TRIO: variants seen among roughly 807,000 people sequenced by gnomAD.
TRIO encodes the protein trio Rho guanine nucleotide exchange factor.
In TRIO, 58 loss-of-function variants were observed where a neutral mutation model predicts 351.9. That is an observed-to-expected ratio of 0.16 (90% CI 0.13 to 0.21). The LOEUF (loss-of-function observed/expected upper bound fraction) is 0.21, where lower values mean the gene tolerates loss of function less well. Ranked by LOEUF, TRIO falls within the 10% of genes least tolerant of loss-of-function variation. The pLI, the probability that TRIO is intolerant of heterozygous loss-of-function variation, is 1.00. For missense variants in TRIO, 3,201 were observed against 4,027.8 expected, an observed-to-expected ratio of 0.79 and a Z score of 5.56; for synonymous variants, 1,758 against 1,595.7, an observed-to-expected ratio of 1.10 and a Z score of -2.42.
intron 1 of TRIO, among the ~76,000 whole-genome samples, chr5:14,158,418 C>T (rs1452922645): frequency 6.7e-6 from 1 of 148,372 alleles, no homozygotes; most frequent in South Asian, 2.2e-4. Flanking sequence ...AGTGAGACTC[C>T]GCCTCAAAAA....
intron 1 of TRIO, among the ~76,000 whole-genome samples, chr5:14,216,216 G>T (rs1172239243): frequency 9.9e-5 from 15 of 152,180 alleles, no homozygotes; most frequent in Admixed American, 9.8e-4. Context: ...AGAGTTCTTT[G>T]AGTCTGCCCA....
At chr5:14,487,056 G>A (rs1249336057) in intron 47 of TRIO, among the ~76,000 whole-genome samples, 1 of 152,096 alleles carries the variant, frequency 6.6e-6, no homozygotes, top group Non-Finnish European at 1.5e-5. Flanking sequence ...TTCCCTCAGG[G>A]CTGTGTTCAG....
chr5:14,273,361 G>T lies in TRIO; in HGVS notation c.232+2462G>T, dbSNP rs368572856. 4.9e-4 allele frequency among the ~76,000 whole-genome samples: 74 copies of T among 152,300 alleles called. 1 individual carries two copies. In the South Asian group the frequency reaches 0.015, roughly 31 times the overall value. On this transcript the variant is annotated intron_variant, in intron 2 of 56. Coordinates refer to ENST00000344204, the MANE Select transcript of TRIO (RefSeq NM_007118.4). The stretch of plus-strand genomic sequence containing the variant: ...GAATATTTCCGATCCTTAGCGCCTA[G>T]GTCTTCTAAAAAGTAATGCTGATTG...
chr5:14,194,375 G>A (rs918758006), intron 1 of TRIO, among the ~76,000 whole-genome samples: 1 of 152,166 alleles, frequency 6.6e-6, no homozygotes, highest in Non-Finnish European at 1.5e-5. Flanking sequence ...GTGATCTCTT[G>A]TTGGCAGTAT....
chr5:14,493,753 G>A (rs988366005), intron 49 of TRIO, among the ~76,000 whole-genome samples: 6 of 152,210 alleles, frequency 3.9e-5, no homozygotes, highest in Non-Finnish European at 7.3e-5. Flanking sequence ...GATATAGGCC[G>A]AAAGCTAAGC....
intron 1 of TRIO, among the ~76,000 whole-genome samples, chr5:14,253,450 G>A (rs1794856544): frequency 6.6e-6 from 1 of 152,148 alleles, no homozygotes; most frequent in Non-Finnish European, 1.5e-5. Flanking sequence ...CTGCCTCCTG[G>A]GCTCAAGTGA....
chr5:14,498,733 T>C (rs1579839275), intron 53 of TRIO, 93 bp downstream of exon 53: 2 of 1,550,712 alleles, frequency 1.3e-6, no homozygotes, highest in Non-Finnish European at 8.8e-7. Flanking sequence ...ACACTCCAAG[T>C]GGCCTGAAAG....
In TRIO at chr5:14,187,185, GT is replaced by G. The variant is rs544042207; in HGVS notation, c.157+43305del. On this transcript the variant is annotated intron_variant, in intron 1 of 56. Transcript: ENST00000344204. ...CTAATTATAGTGTCAACTGCAAAAA[GT>G]TGATAAGTACTAAAATGTATTATAC... Among the ~76,000 whole-genome samples the G allele has an allele frequency of 7.9e-5, 12 of 152,264 alleles. No homozygotes were observed. In the South Asian group the frequency reaches 2.5e-3, roughly 32 times the overall value.
intron 1 of TRIO, among the ~76,000 whole-genome samples, chr5:14,156,581 C>T (rs187755438): frequency 1.1e-3 from 162 of 152,258 alleles, no homozygotes; most frequent in Middle Eastern, 6.8e-3. Context: ...TTTCCTCTTC[C>T]GTATTTGTAA....
chr5:14,150,804 T>C (rs1787783435), intron 1 of TRIO, among the ~76,000 whole-genome samples: 1 of 152,206 alleles, frequency 6.6e-6, no homozygotes, highest in Non-Finnish European at 1.5e-5. Context: ...CATACTTTGC[T>C]ATGTAGGACC....
At chr5:14,322,983 A>C (rs1247928477) in intron 9 of TRIO, among the ~76,000 whole-genome samples, 1 of 152,166 alleles carries the variant, frequency 6.6e-6, no homozygotes, top group Non-Finnish European at 1.5e-5. Context: ...TAGTGAGCAC[A>C]GAGGAGGTGG....
intron 9 of TRIO, among the ~76,000 whole-genome samples, chr5:14,321,383 C>A (rs1739866544): frequency 6.6e-6 from 1 of 152,242 alleles, no homozygotes; most frequent in Non-Finnish European, 1.5e-5. Flanking sequence ...TTTTGGGCCC[C>A]TGTTGAAGGA....
chr5:14,229,724 C>G (rs914159517), intron 1 of TRIO, among the ~76,000 whole-genome samples: 4 of 152,060 alleles, frequency 2.6e-5, no homozygotes, highest in African/African-American at 9.7e-5. Flanking sequence ...ATTGTAGTGT[C>G]CTGAAGTGTG....
At chr5:14,252,390 G>A (rs554896266) in intron 1 of TRIO, among the ~76,000 whole-genome samples, 68 of 152,272 alleles carry the variant, frequency 4.5e-4, no homozygotes, top group African/African-American at 1.4e-3. Flanking sequence ...GCTCAACCAC[G>A]TTTACTGTTA....
intron 11 of TRIO, among the ~76,000 whole-genome samples, chr5:14,350,411 A>T (rs148805369): frequency 2.0e-3 from 310 of 152,140 alleles, no homozygotes; most frequent in African/African-American, 7.2e-3. Flanking sequence ...GAAAGAAAAT[A>T]AAAAAAACCC....
intron 33 of TRIO, among the ~76,000 whole-genome samples, chr5:14,409,470 A>G (rs755288879): frequency 6.6e-6 from 1 of 151,820 alleles, no homozygotes; most frequent in East Asian, 1.9e-4. Context: ...ATCTGTGAAG[A>G]TGATTCACCA....
chr5:14,488,575 C>T (rs1015245527), intron 48 of TRIO: 3 of 507,480 alleles, frequency 5.9e-6, no homozygotes, highest in Non-Finnish European at 1.0e-5. Context: ...GCCTTCCTCA[C>T]GCACCTATTT....
chr5:14,166,106 GTC>G (rs1788748561), intron 1 of TRIO, among the ~76,000 whole-genome samples: 1 of 152,220 alleles, frequency 6.6e-6, no homozygotes, highest in African/African-American at 2.4e-5. Context: ...TTAGAGATGA[GTC>G]TGATTTGTGG....
rs920827302 is a variant in TRIO at position 14,374,163 on chromosome 5, T to C, written c.3217-66T>C. ...AAAGACATACGTTAGAGTGCAGTGATGTGTACTCCAAATACACGTTTGTAG... is the reference window on the plus strand; with the variant it reads ...AAAGACATACGTTAGAGTGCAGTGACGTGTACTCCAAATACACGTTTGTAG... On this transcript the variant is annotated intron_variant, in intron 18 of 56. Transcript: ENST00000344204. The C allele has an allele frequency of 3.0e-5, 35 of 1,181,800 alleles. No individual in the cohort carries two copies. In the South Asian group the frequency reaches 4.4e-4, roughly 15 times the overall value. The allele number at this position is 1,181,800 out of a possible 1,614,324, so 73.2% of individuals were successfully genotyped here.
Sources: allele counts gnomAD v4.1 joint callset (sites outside exome capture counted in the v4.1 genomes callset), GRCh38; gene constraint gnomAD v4.1.1; transcripts MANE v1.5; gene names NCBI Gene and HGNC (gene_info 2026-07-23, HGNC 2026-07-21).